KDM2B: variants seen among roughly 807,000 people sequenced by gnomAD.
KDM2B encodes lysine-specific demethylase 2B.
A neutral mutation model predicts 150.0 loss-of-function variants in KDM2B; 26 were observed. That is an observed-to-expected ratio of 0.17 (90% CI 0.13 to 0.24). The LOEUF (loss-of-function observed/expected upper bound fraction) is 0.24, where lower values mean the gene tolerates loss of function less well. Among genes scored for constraint, KDM2B ranks in the 10% least tolerant of loss-of-function variants. The pLI is 1.00. For missense variants in KDM2B, 1,265 were observed against 1,816.9 expected (o/e 0.70, Z 5.52); for synonymous variants, 734 against 729.5 (o/e 1.01, Z -0.10).
intron 4 of KDM2B, among the ~76,000 whole-genome samples, chr12:121,571,215 G>A (rs79668043): frequency 0.057 from 8,655 of 152,244 alleles, 853 homozygotes; most frequent in African/African-American, 0.2. Context: ...TGTTTCTTTT[G>A]GGGGTGATAG....
chr12:121,442,305 G>A lies in KDM2B; in HGVS notation c.3136C>T (p.Pro1046Ser). ...GAGTCAGGCGGGGGGCTGATGGGGGGTGGCCGGATCACATGGCGCTCCATC... is the reference window on the plus strand; with the variant it reads ...GAGTCAGGCGGGGGGCTGATGGGGGATGGCCGGATCACATGGCGCTCCATC... ...IQMERHVIRP[P>S]PISPPPDSLP... is the part of the protein sequence containing the mutation. Residue 1046 changes from proline (P) to serine (S), a missense_variant, in exon 19 of 23, where the codon CCC becomes TCC. This residue lies in a region of KDM2B where 251 missense variants were observed against 397.8 expected (regional missense o/e 0.63). Coordinates refer to ENST00000377071, the MANE Select transcript of KDM2B (RefSeq NM_032590.5). This position sits in a 1 kb window ranked among gnomAD's most constrained non-coding sequence, Gnocchi z 7.7. 1.9e-6 allele frequency: 3 copies of A among 1,610,170 alleles called. No individual in the cohort carries two copies. Among genetic ancestry groups the A allele is most frequent in the Non-Finnish European group, 1.7e-6 (2 of 1,177,998 alleles).
Position 121,440,931 on chromosome 12 carries a change from C to G in KDM2B, c.3495G>C (p.Ser1165=). Residue 1165 remains serine (S), a synonymous_variant, in exon 21 of 23, where the codon TCG becomes TCC. Transcript: ENST00000377071. ...GCGGACAACTGGAGCTGCAAAGGGC[C>G]GAGACCGCGATCCATGAGCAGCCTG... The part of the protein sequence containing the change: ...VLSGCSWIAV[S]ALCSSSCPLL... The G allele has an allele frequency of 6.2e-7, 1 of 1,614,022 alleles. No individual in the cohort carries two copies.
chr12:121,414,343 CTTTTA>C, the KDM2B span, among the ~76,000 whole-genome samples: 1 of 152,326 alleles, frequency 6.6e-6, no homozygotes, highest in African/African-American at 2.4e-5. Flanking sequence ...AACACTATAG[CTTTTA>C]TTTTAAGCAT....
At chr12:121,505,708 A>G (rs1195141435) in intron 11 of KDM2B, among the ~76,000 whole-genome samples, 1 of 152,112 alleles carries the variant, frequency 6.6e-6, no homozygotes, top group Non-Finnish European at 1.5e-5. Context: ...CCCGGGAGAG[A>G]GCCCATCTTT....
intron 9 of KDM2B, among the ~76,000 whole-genome samples, chr12:121,515,740 C>T (rs1262817769): frequency 1.3e-5 from 2 of 152,022 alleles, no homozygotes; most frequent in African/African-American, 2.4e-5. Flanking sequence ...GGCCTCAAGG[C>T]CTCCTCCCAC....
At chr12:121,527,951 G>C (rs1197892406) in intron 8 of KDM2B, among the ~76,000 whole-genome samples, 1 of 152,170 alleles carries the variant, frequency 6.6e-6, no homozygotes, top group African/African-American at 2.4e-5. Context: ...GACATCACCT[G>C]GTTCACCCCA....
the KDM2B span, among the ~76,000 whole-genome samples, chr12:121,411,783 G>A: frequency 6.6e-6 from 1 of 152,184 alleles, no homozygotes; most frequent in Non-Finnish European, 1.5e-5. Flanking sequence ...TAGTCCAGGA[G>A]GCAACATCAG....
intron 6 of KDM2B, among the ~76,000 whole-genome samples, chr12:121,540,348 A>G (rs1452965656): frequency 6.6e-6 from 1 of 152,140 alleles, no homozygotes; most frequent in Non-Finnish European, 1.5e-5. Context: ...GATCATTTAT[A>G]ATGCCAGCAA....
chr12:121,534,116 A>G (rs556442894), intron 7 of KDM2B, among the ~76,000 whole-genome samples: 327 of 152,250 alleles, frequency 2.1e-3, no homozygotes, highest in Admixed American at 4.1e-3. Context: ...TTGGGAGGCC[A>G]AGGCGGGCGG....
chr12:121,416,645 A>G, the KDM2B span: 455 of 297,944 alleles, frequency 1.5e-3, 4 homozygotes, highest in African/African-American at 9.4e-3. Flanking sequence ...GTTTATTTCC[A>G]AAAGCAAGAA....
At chr12:121,526,753 C>T (rs557090171) in intron 8 of KDM2B, among the ~76,000 whole-genome samples, 56 of 151,970 alleles carry the variant, frequency 3.7e-4, no homozygotes, top group African/African-American at 1.1e-3. Flanking sequence ...TTTTTTTAGC[C>T]GGGCACAGTG....
intron 22 of KDM2B, among the ~76,000 whole-genome samples, chr12:121,437,805 G>A (rs2137787176): frequency 6.6e-6 from 1 of 152,260 alleles, no homozygotes; most frequent in Non-Finnish European, 1.5e-5. Flanking sequence ...TTGTGGCACA[G>A]ACTTATTTCC....
At chr12:121,480,501 T>C (rs1881972429) in intron 12 of KDM2B, among the ~76,000 whole-genome samples, 1 of 146,104 alleles carries the variant, frequency 6.8e-6, no homozygotes, top group African/African-American at 2.6e-5. Context: ...ATCCCAGCAC[T>C]CTGGGAGGTT....
the KDM2B span, among the ~76,000 whole-genome samples, chr12:121,411,387 T>G: frequency 2.0e-5 from 3 of 152,212 alleles, no homozygotes; most frequent in Non-Finnish European, 4.4e-5. Flanking sequence ...AGAATCCATC[T>G]GTTTTCCCAA....
intron 11 of KDM2B, among the ~76,000 whole-genome samples, chr12:121,505,272 T>A (rs1259416574): frequency 2.1e-5 from 3 of 140,940 alleles, no homozygotes; most frequent in African/African-American, 8.3e-5. Flanking sequence ...GGCAACAGAG[T>A]GAGATTGCAT....
chr12:121,416,414 G>T, the KDM2B span: 2 of 1,329,728 alleles, frequency 1.5e-6, no homozygotes. Context: ...AACACACATG[G>T]GTCAGCATTC....
chr12:121,435,154 C>T (rs1166248659), intron 22 of KDM2B, among the ~76,000 whole-genome samples: 3 of 151,736 alleles, frequency 2.0e-5, no homozygotes, highest in South Asian at 2.1e-4. Flanking sequence ...GGCAACATAG[C>T]GAGACCCTGT....
intron 22 of KDM2B, among the ~76,000 whole-genome samples, chr12:121,435,899 C>T (rs1873901018): frequency 1.3e-5 from 2 of 152,154 alleles, no homozygotes; most frequent in South Asian, 4.2e-4. Flanking sequence ...ACCGCGTGCC[C>T]AGAGCTTCTG....
rs1594165305 is a variant in KDM2B, at chr12:121,575,685, TGA to T, written c.350+94_350+95del. ...CGTGAAAAAAGATCCTTCTCAGTGA[TGA>T]GAGGTGGGAAGAGGGTGGAAGAAAT... On this transcript the variant is annotated intron_variant, in intron 3 of 22. Transcript: ENST00000377071. The surrounding 1 kb of genome is among the most constrained non-coding windows in gnomAD (Gnocchi z 4.4). 2.3e-6 allele frequency: 2 copies of T among 880,396 alleles called. No individual in the cohort carries two copies. Among genetic ancestry groups the T allele is most frequent in the East Asian group, 4.8e-5 (2 of 41,378 alleles). 54.5% of individuals were successfully genotyped at this position (880,396 alleles called of 1,614,324 possible). A position where few individuals can be genotyped will look rare whatever the true frequency, so the allele number is the denominator to read the frequency against.
Sources: gnomAD v4.1 joint callset for allele counts (sites outside exome capture counted in the v4.1 genomes callset) on GRCh38, gnomAD v4.1.1 for gene constraint, gnomAD v4.1.1 regional missense constraint, Gnocchi (gnomAD v3.1) non-coding constraint, MANE v1.5 for transcripts, NCBI Gene and HGNC (gene_info 2026-07-23, HGNC 2026-07-21) for gene names.